Variants in CHKA observed in about 807,000 individuals in gnomAD.
CHKA encodes choline kinase alpha.
In CHKA, 34 loss-of-function variants were observed where a neutral mutation model predicts 60.1. That is an observed-to-expected ratio of 0.57 (90% CI 0.43 to 0.75). The LOEUF is 0.75. Among genes scored for constraint, CHKA ranks in the 30% least tolerant of loss-of-function variants. CHKA has a pLI of 0.00. For missense variants in CHKA, 563 were observed against 561.3 expected (o/e 1.00, Z -0.03); for synonymous variants, 217 against 223.1 (o/e 0.97, Z 0.24).
At chr11:68,067,525 G>A (rs770739096) in intron 7 of CHKA, among the ~76,000 whole-genome samples, 4 of 152,076 alleles carry the variant, frequency 2.6e-5, no homozygotes, top group African/African-American at 4.8e-5. Flanking sequence ...AGCCCAACAG[G>A]CTAAGGTTAC....
chr11:68,065,255 A>G (rs987872756), intron 9 of CHKA, among the ~76,000 whole-genome samples: 1 of 152,234 alleles, frequency 6.6e-6, no homozygotes, highest in Non-Finnish European at 1.5e-5. Flanking sequence ...AAGGAACTAC[A>G]AAGGATGACA....
intron 4 of CHKA, among the ~76,000 whole-genome samples, chr11:68,071,715 G>A (rs879567722): frequency 6.6e-6 from 1 of 152,240 alleles, no homozygotes; most frequent in Non-Finnish European, 1.5e-5. Flanking sequence ...GGCCATCCAA[G>A]TTACCTCATA....
rs1483566593 is a variant in CHKA, at chr11:68,081,385, G to C, written c.516+19C>G. On this transcript the variant is annotated intron_variant, in intron 3 of 11. Coordinates refer to ENST00000265689, the MANE Select transcript of CHKA (RefSeq NM_001277.3). ...CTAGTTCACATCTCACACAGATGCAGAAAGACTGAATTACTTACTTGAAAT... is the reference window on the plus strand; with the variant it reads ...CTAGTTCACATCTCACACAGATGCACAAAGACTGAATTACTTACTTGAAAT... 3.7e-6 allele frequency: 6 copies of C among 1,609,498 alleles called. No homozygotes were observed. The highest frequency in any genetic ancestry group is 4.3e-6 in the Non-Finnish European group (5 of 1,175,944).
chr11:68,069,026 G>C, intron 6 of CHKA, 89 bp from the exon 7 acceptor site: 1 of 930,244 alleles, frequency 1.1e-6, no homozygotes, highest in Admixed American at 1.9e-5. Flanking sequence ...CACCAAATTC[G>C]TGCTCCAAAG....
chr11:68,070,937 G>C (rs958813944), intron 4 of CHKA, 80 bp from the exon 5 acceptor site: 3 of 1,446,042 alleles, frequency 2.1e-6, no homozygotes, highest in East Asian at 2.3e-5. Context: ...TTAGGAACGA[G>C]AAGTGTTTTT....
At chr11:68,069,778 C>T (rs1856556623) in intron 6 of CHKA, among the ~76,000 whole-genome samples, 1 of 152,110 alleles carries the variant, frequency 6.6e-6, no homozygotes, top group Non-Finnish European at 1.5e-5. Flanking sequence ...GGCCTTGCTT[C>T]AGAGATCAGT....
intron 2 of CHKA, among the ~76,000 whole-genome samples, chr11:68,086,950 C>T (rs1187297066): frequency 6.6e-6 from 1 of 151,970 alleles, no homozygotes. Flanking sequence ...CGTGCCACTT[C>T]ACTCCAGCCT....
intron 2 of CHKA, among the ~76,000 whole-genome samples, chr11:68,084,454 A>G (rs993665634): frequency 1.2e-4 from 17 of 144,904 alleles, no homozygotes; most frequent in East Asian, 2.0e-4. Flanking sequence ...ATATGTGTGT[A>G]TATATATATA....
chr11:68,098,849 ATGCT>A (rs1857603656), intron 1 of CHKA, among the ~76,000 whole-genome samples: 4 of 149,126 alleles, frequency 2.7e-5, no homozygotes, highest in African/African-American at 9.9e-5. Flanking sequence ...GTATGCCAGC[ATGCT>A]TAGCTAATTT....
intron 7 of CHKA, among the ~76,000 whole-genome samples, chr11:68,067,709 TCC>T (rs1406009317): frequency 1.3e-5 from 2 of 152,086 alleles, no homozygotes; most frequent in African/African-American, 2.4e-5. Context: ...TCTCCTCCAG[TCC>T]CCTCTCTCTA....
In CHKA at chr11:68,121,325, G is replaced by GACT. The variant is rs1590894421; in HGVS notation, c.-149_-148insAGT. On this transcript the variant is annotated 5_prime_UTR_variant, in exon 1 of 12. Coordinates refer to ENST00000265689, the MANE Select transcript of CHKA (RefSeq NM_001277.3). ...GTTGGGCGCGCGGGGCGGCGGCGGC[G>GACT]GCTGCGGCGACTGCGGCGACTGTGG... 1 of 439,248 alleles carries GACT rather than the reference G, an allele frequency of 2.3e-6. No individual in the cohort carries two copies. Among genetic ancestry groups the GACT allele is most frequent in the Non-Finnish European group, 3.0e-6 (1 of 329,062 alleles). 27.2% of individuals were successfully genotyped at this position (439,248 alleles called of 1,614,324 possible).
chr11:68,104,511 C>T (rs1857844620), intron 1 of CHKA, among the ~76,000 whole-genome samples: 1 of 152,046 alleles, frequency 6.6e-6, no homozygotes, highest in South Asian at 2.1e-4. Context: ...ACCTCCGCCT[C>T]TCAGGTTTAA....
chr11:68,115,796 T>C (rs1858361232), intron 1 of CHKA, among the ~76,000 whole-genome samples: 1 of 152,136 alleles, frequency 6.6e-6, no homozygotes, highest in Non-Finnish European at 1.5e-5. Context: ...AAAAACAAAG[T>C]GTAAATAAAA....
rs900372938 is a variant in CHKA at position 68,121,326 on chromosome 11, GCTGCGGCGA to G, written c.-158_-150del. On this transcript the variant is annotated 5_prime_UTR_variant, in exon 1 of 12. Transcript: ENST00000265689. Reference sequence around the variant, plus strand: ...TTGGGCGCGCGGGGCGGCGGCGGCGGCTGCGGCGACTGCGGCGACTGTGGAGCGGGGATG... The same window carrying G: ...TTGGGCGCGCGGGGCGGCGGCGGCGGCTGCGGCGACTGTGGAGCGGGGATG... 101 of 278,648 alleles carry G rather than the reference GCTGCGGCGA, an allele frequency of 3.6e-4. 2 individuals are homozygous for G. Among genetic ancestry groups the G allele is most frequent in the South Asian group, 2.8e-3 (21 of 7,416 alleles). 17.3% of individuals were successfully genotyped at this position (278,648 alleles called of 1,614,324 possible). A position where few individuals can be genotyped will look rare whatever the true frequency, so the allele number is the denominator to read the frequency against.
intron 1 of CHKA, among the ~76,000 whole-genome samples, chr11:68,109,701 C>T (rs1250077905): frequency 3.9e-5 from 6 of 152,178 alleles, no homozygotes; most frequent in Non-Finnish European, 8.8e-5. Context: ...GCCTGTAGTC[C>T]AGCACCTGGG....
chr11:68,065,696 G>T, intron 9 of CHKA, 90 bp downstream of exon 9: 3 of 901,884 alleles, frequency 3.3e-6, no homozygotes, highest in East Asian at 4.9e-5. Context: ...GTGAGACCCT[G>T]CCTCAAAAAA....
In CHKA at chr11:68,060,307, C is replaced by T. The variant is rs1459389047; in HGVS notation, c.1314+1646G>A. On this transcript the variant is annotated intron_variant, in intron 11 of 11. Coordinates refer to ENST00000265689, the MANE Select transcript of CHKA (RefSeq NM_001277.3). ...TCGGCCTCCCAAAGTTCTGGGATTA[C>T]AGGCATGGGCCACCGCACCCGGCCA... Among the ~76,000 whole-genome samples, 5 of 151,892 alleles carry T rather than the reference C, an allele frequency of 3.3e-5. No individual in the cohort carries two copies. The East Asian group carries it at 7.8e-4, about 24-fold the overall frequency.
In CHKA at chr11:68,068,922, A is replaced by T; in HGVS notation, c.885T>A (p.Ser295=). 1 of 1,612,256 alleles carries T rather than the reference A, an allele frequency of 6.2e-7. No individual in the cohort carries two copies. The highest frequency in any genetic ancestry group is 8.5e-7 in the Non-Finnish European group (1 of 1,178,858). Reference sequence around the variant, plus strand: ...GACAAAATACAACTGGAGATGGAGTAGATTCAAGCAATGATCTGAAAAGAA... The same window carrying T: ...GACAAAATACAACTGGAGATGGAGTTGATTCAAGCAATGATCTGAAAAGAA... ...ELENLRSLLE[S]TPSPVVFCHN... The change falls in exon 7 of 12, where the codon TCT becomes TCA. Residue 295 remains serine (S), a synonymous_variant. Coordinates refer to ENST00000265689, the MANE Select transcript of CHKA (RefSeq NM_001277.3).
intron 10 of CHKA, among the ~76,000 whole-genome samples, chr11:68,062,342 A>C (rs1400008497): frequency 2.0e-5 from 3 of 152,236 alleles, no homozygotes; most frequent in Admixed American, 1.3e-4. Context: ...TCACATTCAC[A>C]GGGTGCAGGT....
Sources: gnomAD v4.1 joint callset for allele counts (sites outside exome capture counted in the v4.1 genomes callset) on GRCh38, gnomAD v4.1.1 for gene constraint, MANE v1.5 for transcripts, NCBI Gene and HGNC (gene_info 2026-07-23, HGNC 2026-07-21) for gene names.